Variants in KHDRBS2 observed in about 807,000 individuals in gnomAD.
KHDRBS2 encodes KH RNA binding domain containing, signal transduction associated 2, also known as KH domain-containing, RNA-binding, signal transduction-associated protein 2.
KHDRBS2 carries 26 observed loss-of-function variants against 44.3 expected under a neutral mutation model. The observed-to-expected ratio is 0.59, with a 90% confidence interval of 0.43 to 0.81. The LOEUF (loss-of-function observed/expected upper bound fraction) is 0.81. Among genes scored for constraint, KHDRBS2 ranks in the 40% least tolerant of loss-of-function variants. The pLI is 0.00. For missense variants in KHDRBS2, 476 were observed against 433.1 expected (o/e 1.10, Z -0.88); for synonymous variants, 194 against 151.1 (o/e 1.28, Z -2.08).
intron 1 of KHDRBS2, among the ~76,000 whole-genome samples, chr6:62,227,714 T>C (rs1483074870): frequency 1.3e-5 from 2 of 152,222 alleles, no homozygotes; most frequent in African/African-American, 4.8e-5. Flanking sequence ...AACTAGTTTA[T>C]TGAGAGTTTT....
At chr6:61,594,796 G>C in the KHDRBS2 span, among the ~76,000 whole-genome samples, 1 of 151,990 alleles carries the variant, frequency 6.6e-6, no homozygotes, top group Non-Finnish European at 1.5e-5. Context: ...GTAAGTTTGA[G>C]GTCAAAAAGA....
intron 6 of KHDRBS2, among the ~76,000 whole-genome samples, chr6:61,790,407 T>TGA (rs1206413793): frequency 7.2e-6 from 1 of 139,738 alleles, no homozygotes. Context: ...ACTTGGGACT[T>TGA]AAAAAAAAAA....
At chr6:62,247,628 TC>T (rs1835816314) in intron 1 of KHDRBS2, among the ~76,000 whole-genome samples, 1 of 152,022 alleles carries the variant, frequency 6.6e-6, no homozygotes, top group South Asian at 2.1e-4. Context: ...CACTGTGTTG[TC>T]TTAGGTTCTC....
intron 3 of KHDRBS2, among the ~76,000 whole-genome samples, chr6:62,010,557 C>T (rs1306188513): frequency 1.3e-5 from 2 of 152,120 alleles, no homozygotes; most frequent in East Asian, 3.9e-4. Context: ...CAAATCTCAT[C>T]TTACAGCTCC....
intron 2 of KHDRBS2, among the ~76,000 whole-genome samples, chr6:62,116,234 G>A (rs1806188368): frequency 6.6e-6 from 1 of 152,000 alleles, no homozygotes; most frequent in East Asian, 1.9e-4. Flanking sequence ...TAGCAATTTT[G>A]AAATATAAAA....
At chr6:62,272,804 C>A (rs776199476) in intron 1 of KHDRBS2, among the ~76,000 whole-genome samples, 2 of 152,112 alleles carry the variant, frequency 1.3e-5, no homozygotes, top group African/African-American at 4.8e-5. Context: ...TTTATAATAT[C>A]GTATGTAGTT....
chr6:62,062,280 A>T (rs1792153632), intron 2 of KHDRBS2, among the ~76,000 whole-genome samples: 1 of 148,466 alleles, frequency 6.7e-6, no homozygotes, highest in Non-Finnish European at 1.5e-5. Context: ...AAGCAGACCT[A>T]ATAGACGTCT....
chr6:61,716,235 G>A (rs1337477709), intron 7 of KHDRBS2, among the ~76,000 whole-genome samples: 2 of 151,928 alleles, frequency 1.3e-5, no homozygotes, highest in African/African-American at 4.8e-5. Context: ...GCTAATTAAG[G>A]GACAAGCTGA....
At chr6:62,055,011 A>G (rs1789943918) in intron 2 of KHDRBS2, among the ~76,000 whole-genome samples, 1 of 152,072 alleles carries the variant, frequency 6.6e-6, no homozygotes, top group South Asian at 2.1e-4. Flanking sequence ...TAGATGGTTT[A>G]TAGACTTAGA....
chr6:61,554,069 C>T, the KHDRBS2 span, among the ~76,000 whole-genome samples: 4 of 152,064 alleles, frequency 2.6e-5, no homozygotes, highest in Admixed American at 6.6e-5. Flanking sequence ...AGCTTTCTGC[C>T]TCAATGATCG....
intron 3 of KHDRBS2, among the ~76,000 whole-genome samples, chr6:62,033,439 ATAAAG>A (rs1784706292): frequency 6.6e-6 from 1 of 151,972 alleles, no homozygotes; most frequent in Non-Finnish European, 1.5e-5. Context: ...AAGATCAAGA[ATAAAG>A]TAAAGCTACT....
the KHDRBS2 span, among the ~76,000 whole-genome samples, chr6:61,662,877 T>C: frequency 6.6e-6 from 1 of 152,048 alleles, no homozygotes; most frequent in East Asian, 1.9e-4. Flanking sequence ...AAATACCATT[T>C]GACCCAGCCA....
intron 6 of KHDRBS2, among the ~76,000 whole-genome samples, chr6:61,831,031 G>A (rs1791713263): frequency 6.6e-6 from 1 of 152,178 alleles, no homozygotes; most frequent in African/African-American, 2.4e-5. Context: ...GAGAGAAACT[G>A]TAATTAGATC....
chr6:62,031,298 C>T (rs1472082882), intron 3 of KHDRBS2, among the ~76,000 whole-genome samples: 1 of 152,012 alleles, frequency 6.6e-6, no homozygotes, highest in African/African-American at 2.4e-5. Flanking sequence ...CTGAGAATTG[C>T]TGGTTTCAGG....
chr6:62,063,429 C>A (rs1465766576), intron 2 of KHDRBS2, among the ~76,000 whole-genome samples: 1 of 151,348 alleles, frequency 6.6e-6, no homozygotes, highest in Non-Finnish European at 1.5e-5. Context: ...AGCTTACCCA[C>A]CATGATCAAG....
intron 2 of KHDRBS2, among the ~76,000 whole-genome samples, chr6:62,109,756 G>C (rs971952425): frequency 6.7e-6 from 1 of 149,688 alleles, no homozygotes; most frequent in African/African-American, 2.5e-5. Context: ...AGAAGAAGGA[G>C]AAGGAATTAA....
At chr6:62,210,636 G>A (rs1397738007) in intron 1 of KHDRBS2, among the ~76,000 whole-genome samples, 2 of 152,006 alleles carry the variant, frequency 1.3e-5, no homozygotes, top group Admixed American at 1.3e-4. Flanking sequence ...AAAATCACCA[G>A]TAAACAGATT....
At chr6:61,624,114 G>A in the KHDRBS2 span, among the ~76,000 whole-genome samples, 1 of 152,192 alleles carries the variant, frequency 6.6e-6, no homozygotes, top group African/African-American at 2.4e-5. Context: ...AAAGTTTGAA[G>A]AATTTTGTAT....
chr6:62,038,197 T>A (rs1459610829), intron 3 of KHDRBS2, among the ~76,000 whole-genome samples: 1 of 152,074 alleles, frequency 6.6e-6, no homozygotes. Flanking sequence ...AAATTTTTAT[T>A]TGTATCCCTG....
Sources: gnomAD v4.1 joint callset for allele counts (sites outside exome capture counted in the v4.1 genomes callset) on GRCh38, gnomAD v4.1.1 for gene constraint, MANE v1.5 for transcripts, NCBI Gene and HGNC (gene_info 2026-07-23, HGNC 2026-07-21) for gene names.